Variants in WDPCP observed in about 807,000 individuals in gnomAD.
WDPCP encodes WD repeat containing planar cell polarity effector.
In WDPCP, 71 loss-of-function variants were observed where a neutral mutation model predicts 93.1. The observed-to-expected ratio is 0.76, with a 90% CI of 0.63 to 0.93. The LOEUF is 0.93. WDPCP is among the 40% of genes least tolerant of loss of function. WDPCP has a pLI of 0.00. For missense variants in WDPCP, 844 were observed against 887.4 expected, an observed-to-expected ratio of 0.95 and a Z score of 0.62; for synonymous variants, 315 against 315.0, an observed-to-expected ratio of 1.00 and a Z score of 0.00.
chr2:63,579,783 AG>A lies in WDPCP; in HGVS notation c.75+8413del, dbSNP rs1206741848. Among the ~76,000 whole-genome samples the A allele has an allele frequency of 3.1e-3, 471 of 152,262 alleles. 4 individuals carry two copies. Among genetic ancestry groups the A allele is most frequent in the African/African-American group, 0.011 (437 of 41,562 alleles). ...TAGATACACAGATAGACAGACAGAC[AG>A]ACAGACAAGATAGATAATGCTAGTT... On this transcript the variant is annotated intron_variant, in intron 1 of 17. Coordinates refer to ENST00000272321, the MANE Select transcript of WDPCP (RefSeq NM_015910.7).
intron 2 of WDPCP, among the ~76,000 whole-genome samples, chr2:63,784,380 T>C (rs536190189): frequency 6.6e-6 from 1 of 152,210 alleles, no homozygotes; most frequent in Admixed American, 6.5e-5. Flanking sequence ...GAAATTCCTT[T>C]TGAAAATAAT....
chr2:63,638,662 G>A (rs1248654822), intron 3 of WDPCP, among the ~76,000 whole-genome samples: 2 of 152,012 alleles, frequency 1.3e-5, no homozygotes, highest in Non-Finnish European at 2.9e-5. Context: ...GGTTGTACAT[G>A]CCTGTAGTCC....
chr2:63,353,297 C>A (rs1689766849), intron 12 of WDPCP, among the ~76,000 whole-genome samples: 1 of 152,154 alleles, frequency 6.6e-6, no homozygotes, highest in Admixed American at 6.6e-5. Context: ...GCAAAAGTAG[C>A]TGCGGCTCCA....
At chr2:63,588,667 ATC>A (rs1045793041), upstream of WDPCP, 8 of 469,240 alleles carry the variant, frequency 1.7e-5, no homozygotes, top group African/African-American at 1.6e-4. Flanking sequence ...TACACACGCT[ATC>A]TCTCCCGCCA....
chr2:63,157,457 A>G (rs755789276), intron 15 of WDPCP, among the ~76,000 whole-genome samples: 2 of 152,090 alleles, frequency 1.3e-5, no homozygotes, highest in Admixed American at 6.6e-5. Context: ...AATGTGCACA[A>G]TTGCTAGTAT....
intron 15 of WDPCP, among the ~76,000 whole-genome samples, chr2:63,161,767 CTT>C (rs1177379979): frequency 1.2e-4 from 17 of 140,408 alleles, no homozygotes; most frequent in East Asian, 2.1e-4. Context: ...TCATTTTTTT[CTT>C]TTTTTTTTTT....
At chr2:63,290,617 T>G (rs1011870442) in intron 13 of WDPCP, among the ~76,000 whole-genome samples, 24 of 152,138 alleles carry the variant, frequency 1.6e-4, no homozygotes, top group Admixed American at 1.2e-3. Flanking sequence ...AATTTCAATT[T>G]AATTTCACTA....
the WDPCP span, among the ~76,000 whole-genome samples, chr2:63,837,051 A>C: frequency 6.6e-6 from 1 of 152,256 alleles, no homozygotes; most frequent in African/African-American, 2.4e-5. Flanking sequence ...TAACTCTCAA[A>C]TATAACTTAA....
At chr2:63,173,239 G>A (rs1673536208) in intron 15 of WDPCP, among the ~76,000 whole-genome samples, 1 of 149,038 alleles carries the variant, frequency 6.7e-6, no homozygotes, top group Non-Finnish European at 1.5e-5. Flanking sequence ...TTGCACTCCA[G>A]CCTGGGCAAC....
intron 14 of WDPCP, among the ~76,000 whole-genome samples, chr2:63,220,591 A>G (rs778780668): frequency 6.6e-6 from 1 of 152,144 alleles, no homozygotes. Flanking sequence ...TCGATTGGCA[A>G]GGGTTTGTGA....
chr2:63,311,369 AT>A (rs768062998), intron 13 of WDPCP, among the ~76,000 whole-genome samples: 3 of 152,220 alleles, frequency 2.0e-5, no homozygotes, highest in African/African-American at 7.2e-5. Context: ...TATTAAAAAA[AT>A]AAATCCTTTT....
chr2:63,596,869 G>A (rs554713551), intron 3 of WDPCP, among the ~76,000 whole-genome samples: 82 of 152,326 alleles, frequency 5.4e-4, no homozygotes, highest in African/African-American at 1.9e-3. Context: ...TCTTTTGATG[G>A]TGGCGAGTTA....
intron 2 of WDPCP, among the ~76,000 whole-genome samples, chr2:63,668,082 T>C (rs1025467060): frequency 3.3e-5 from 5 of 152,216 alleles, no homozygotes; most frequent in African/African-American, 1.2e-4. Flanking sequence ...AAAAGCCTTT[T>C]AAAGGGTTTT....
At chr2:63,704,790 T>C (rs1669121573) in intron 2 of WDPCP, among the ~76,000 whole-genome samples, 1 of 152,252 alleles carries the variant, frequency 6.6e-6, no homozygotes, top group African/African-American at 2.4e-5. Context: ...CCGGCTTTGG[T>C]ATCAGGATGA....
chr2:63,139,126 T>C (rs954699633), intron 17 of WDPCP, among the ~76,000 whole-genome samples: 5 of 147,020 alleles, frequency 3.4e-5, no homozygotes, highest in African/African-American at 1.2e-4. Context: ...TATATACACA[T>C]ATATACATGT....
chr2:63,805,939 G>A (rs1670756871), intron 2 of WDPCP, among the ~76,000 whole-genome samples: 1 of 152,056 alleles, frequency 6.6e-6, no homozygotes, highest in Non-Finnish European at 1.5e-5. Flanking sequence ...GGGCAACATG[G>A]CAAAACCCCA....
chr2:63,325,154 AT>A (rs894441403), intron 12 of WDPCP, among the ~76,000 whole-genome samples: 2 of 152,206 alleles, frequency 1.3e-5, no homozygotes, highest in African/African-American at 4.8e-5. Context: ...GATCAGAGAA[AT>A]GCTGCAGCCT....
intron 1 of WDPCP, among the ~76,000 whole-genome samples, chr2:63,584,978 A>G (rs1174910933): frequency 6.6e-6 from 1 of 152,198 alleles, no homozygotes; most frequent in Non-Finnish European, 1.5e-5. Context: ...ATTCCACTCA[A>G]TTCTACCACT....
intron 3 of WDPCP, among the ~76,000 whole-genome samples, chr2:63,615,540 G>A (rs1709663266): frequency 6.6e-6 from 1 of 152,110 alleles, no homozygotes; most frequent in South Asian, 2.1e-4. Context: ...CATGCCCTAG[G>A]TAAATAAGAT....
Sources: gnomAD v4.1 joint callset for allele counts (sites outside exome capture counted in the v4.1 genomes callset) on GRCh38, gnomAD v4.1.1 for gene constraint, MANE v1.5 for transcripts, NCBI Gene and HGNC (gene_info 2026-07-23, HGNC 2026-07-21) for gene names.